The following ABCA1 variants were observed in gnomAD, a reference collection of about 807,000 sequenced individuals.
The protein encoded by ABCA1 is ATP binding cassette subfamily A member 1.
ABCA1 carries 133 observed loss-of-function variants against 262.5 expected under a neutral mutation model. That is an observed-to-expected ratio of 0.51 (90% confidence interval 0.44 to 0.59). ABCA1 has a LOEUF of 0.59. Ranked by LOEUF, ABCA1 falls within the 20% of genes least tolerant of loss-of-function variation. The probability of loss-of-function intolerance (pLI) is 0.00; values close to 1 mark genes in which losing one functional copy is unlikely to be tolerated. For missense variants in ABCA1, 2,452 were observed against 2,777.5 expected, an observed-to-expected ratio of 0.88 and a Z score of 2.63; for synonymous variants, 1,022 against 1,043.5, an observed-to-expected ratio of 0.98 and a Z score of 0.40.
chr9:104,787,842 TG>T (rs1829058201), intron 46 of ABCA1, 77 bp downstream of exon 46: 1 of 1,613,504 alleles, frequency 6.2e-7, no homozygotes, highest in Non-Finnish European at 8.5e-7. Flanking sequence ...ACAACAGCCC[TG>T]GACATATAGG....
chr9:104,818,983 T>A, intron 22 of ABCA1, 100 bp from the exon 23 acceptor site: 1 of 1,197,284 alleles, frequency 8.4e-7, no homozygotes, highest in South Asian at 1.3e-5. Context: ...GGGTAAGCAC[T>A]GGAAGAGACC....
In ABCA1 at chr9:104,785,018, C is replaced by T. The variant is rs568928664; in HGVS notation, c.6645+378G>A. Among the ~76,000 whole-genome samples the T allele has an allele frequency of 1.4e-4, 21 of 152,210 alleles. No homozygotes were observed. In the South Asian group the frequency reaches 1.5e-3, roughly 11 times the overall value. On this transcript the variant is annotated intron_variant, in intron 49 of 49. Transcript: ENST00000374736. ...AGTCATCCATTTACTTTGGCACATACGGTCTTGATTAAAGGGAAGAGGGAA... is the reference window on the plus strand; with the variant it reads ...AGTCATCCATTTACTTTGGCACATATGGTCTTGATTAAAGGGAAGAGGGAA...
chr9:104,802,014 A>G lies in ABCA1; in HGVS notation c.4698+40T>C, dbSNP rs763466058. 7 of 1,580,040 alleles carry G rather than the reference A, an allele frequency of 4.4e-6. No homozygotes were observed. The East Asian group carries it at 1.1e-4, about 25-fold the overall frequency. On this transcript the variant is annotated intron_variant, in intron 34 of 49. Coordinates refer to ENST00000374736, the MANE Select transcript of ABCA1 (RefSeq NM_005502.4). ...ACTACTCCTATATCCCAGCAGCTAC[A>G]TGCCCATTTTTCTGATACATCTTAC...
chr9:104,858,481 C>T, intron 7 of ABCA1, 41 bp downstream of exon 7: 1 of 1,597,126 alleles, frequency 6.3e-7, no homozygotes, highest in Non-Finnish European at 8.6e-7. Context: ...ATTCCGAAAG[C>T]ATTAGTGCTT....
In ABCA1 at chr9:104,814,360, C is replaced by T. The variant is rs1052408672; in HGVS notation, c.3787+67G>A. 1.9e-6 allele frequency: 3 copies of T among 1,579,056 alleles called. No individual in the cohort carries two copies. In the African/African-American group the frequency reaches 4.0e-5, roughly 21 times the overall value. On this transcript the variant is annotated intron_variant, in intron 26 of 49. Coordinates refer to ENST00000374736, the MANE Select transcript of ABCA1 (RefSeq NM_005502.4). ...ACAATTCAAAGGGAAAGGAACAATA[C>T]TCGTGCACTGAGAAAGCCAGCAGAA...
chr9:104,861,797 A>G lies in ABCA1; in HGVS notation c.425T>C (p.Leu142Ser). 6.2e-7 allele frequency: 1 copy of G among 1,613,390 alleles called. No individual in the cohort carries two copies. The highest frequency in any genetic ancestry group is 8.5e-7 in the Non-Finnish European group (1 of 1,179,572). ...GTCCACCAGGAAATCTTGAAGCTTC[A>G]AGTCTATTGAGAAATAGTGTTTTAT... Reference protein sequence around the residue: ...LQQIKKSSSNLKLQDFLVDNE... With the variant: ...LQQIKKSSSNSKLQDFLVDNE... Residue 142 changes from leucine (L) to serine (S), a missense_variant, in exon 6 of 50, where the codon TTG becomes TCG. Coordinates refer to ENST00000374736, the MANE Select transcript of ABCA1 (RefSeq NM_005502.4).
intron 1 of ABCA1, among the ~76,000 whole-genome samples, chr9:104,918,177 C>T (rs2437811): frequency 0.81 from 122,563 of 151,934 alleles, 49,474 homozygotes; most frequent in East Asian, 0.84. Flanking sequence ...GGAATATGAG[C>T]AGAAGATCAA....
chr9:104,794,530 A>AAAT lies in ABCA1; in HGVS notation c.5383-21_5383-20insATT, dbSNP rs397938228. 5.7e-6 allele frequency: 9 copies of AAAT among 1,567,632 alleles called. No homozygotes were observed. The highest frequency in any genetic ancestry group is 7.0e-6 in the Non-Finnish European group (8 of 1,149,578). ...CAGCTTCTAAAAAAAAAAAAAAAAA[A>AAAT]TGGGAGGGAAGGGAGGGTGAGGGAG... On this transcript the variant is annotated intron_variant, in intron 39 of 49. Coordinates refer to ENST00000374736, the MANE Select transcript of ABCA1 (RefSeq NM_005502.4).
At chr9:104,903,590 C>G (rs182545672) in intron 2 of ABCA1, 24 bp downstream of exon 2, 29 of 1,569,690 alleles carry the variant, frequency 1.8e-5, no homozygotes, top group African/African-American at 6.8e-5. Flanking sequence ...GAGAACCCCC[C>G]GCTGCTGAAA....
chr9:104,895,882 G>A (rs1229445498), intron 2 of ABCA1, among the ~76,000 whole-genome samples: 1 of 152,164 alleles, frequency 6.6e-6, no homozygotes, highest in Non-Finnish European at 1.5e-5. Context: ...CAAGGGCCAT[G>A]TACAAAGAAC....
chr9:104,862,681 GGCCGGGCCGGGCCGGGCCGGCCC>G (rs1836681345), intron 5 of ABCA1, among the ~76,000 whole-genome samples: 1 of 1,858 alleles, frequency 5.4e-4, no homozygotes. Flanking sequence ...GGCCGGGCCG[GGCCGGGCCGGGCCGGGCCGGCCC>G]CCACCCCCAC....
At chr9:104,874,870 G>C (rs1430261396) in intron 5 of ABCA1, among the ~76,000 whole-genome samples, 1 of 140,826 alleles carries the variant, frequency 7.1e-6, no homozygotes, top group African/African-American at 3.2e-5. Context: ...GGAGGGAGGT[G>C]GGGGGCAGCC....
chr9:104,830,973 G>A lies in ABCA1; in HGVS notation c.1844C>T (p.Thr615Ile). The change falls in exon 14 of 50, where the codon ACT becomes ATT. Residue 615 changes from threonine to isoleucine, a missense_variant. Thr to Ile is a moderately conservative substitution (Grantham distance 89). Transcript: ENST00000374736. ...IRVLTGTEKK[T>I]GVYMQQMPYP... is the part of the protein sequence containing the mutation. ...GGGCATCTGTTGCATATAGACACCA[G>A]TTTTCTTCTCGGTGCCCGTCAGCAC... 5 of 1,613,862 alleles carry A rather than the reference G, an allele frequency of 3.1e-6. No homozygotes were observed. Among genetic ancestry groups the A allele is most frequent in the Non-Finnish European group, 4.2e-6 (5 of 1,179,966 alleles).
intron 5 of ABCA1, among the ~76,000 whole-genome samples, chr9:104,881,529 T>C (rs11790326): frequency 0.21 from 32,190 of 152,146 alleles, 3,557 homozygotes; most frequent in South Asian, 0.35. Flanking sequence ...AAATACTGTT[T>C]TTAAGCAATT....
chr9:104,814,886 T>C (rs1258958845), intron 25 of ABCA1, among the ~76,000 whole-genome samples: 1 of 152,094 alleles, frequency 6.6e-6, no homozygotes, highest in Non-Finnish European at 1.5e-5. Context: ...TCTCAGCTAC[T>C]TGGGAGGCTG....
chr9:104,898,893 A>G (rs558925371), intron 2 of ABCA1, among the ~76,000 whole-genome samples: 1 of 152,312 alleles, frequency 6.6e-6, no homozygotes, highest in South Asian at 2.1e-4. Context: ...ATCTAACACC[A>G]GTACCATAGT....
At chr9:104,862,065 CACACACACACAT>C (rs1374631881) in intron 5 of ABCA1, among the ~76,000 whole-genome samples, 299 of 149,688 alleles carry the variant, frequency 2.0e-3, no homozygotes, top group African/African-American at 6.5e-3. Flanking sequence ...CACACACACA[CACACACACACAT>C]ACACACACAC....
intron 1 of ABCA1, among the ~76,000 whole-genome samples, chr9:104,906,887 T>A (rs1588568198): frequency 6.6e-6 from 1 of 151,854 alleles, no homozygotes; most frequent in African/African-American, 2.4e-5. Context: ...TTCACAGTCA[T>A]CCCAGTCAAT....
chr9:104,913,772 C>A (rs550727713), intron 1 of ABCA1, among the ~76,000 whole-genome samples: 2 of 150,250 alleles, frequency 1.3e-5, no homozygotes, highest in Middle Eastern at 3.2e-3. Flanking sequence ...CACCTCCCTA[C>A]AAGTTTTTAT....
Sources: gnomAD v4.1 joint callset for allele counts (sites outside exome capture counted in the v4.1 genomes callset) on GRCh38, gnomAD v4.1.1 for gene constraint, MANE v1.5 for transcripts, NCBI Gene and HGNC (gene_info 2026-07-23, HGNC 2026-07-21) for gene names.